The following MYH13 variants were observed in gnomAD, a reference collection of about 807,000 sequenced individuals.
MYH13 encodes the protein myosin heavy chain 13, also known as myosin-13.
MYH13 carries 177 observed loss-of-function variants against 232.1 expected under a neutral mutation model. The observed-to-expected ratio is 0.76, with a 90% CI of 0.67 to 0.86. MYH13 has a LOEUF of 0.86. Ranked by LOEUF, MYH13 falls within the 40% of genes least tolerant of loss-of-function variation. MYH13 has a pLI of 0.00. For synonymous variants in MYH13, 884 were observed against 923.5 expected, an observed-to-expected ratio of 0.96 and a Z score of 0.78; for missense variants, 2,246 against 2,405.9, an observed-to-expected ratio of 0.93 and a Z score of 1.39.
At chr17:10,312,494 G>T in intron 31 of MYH13, 80 bp downstream of exon 31, 1 of 1,456,648 alleles carries the variant, frequency 6.9e-7, no homozygotes, top group Non-Finnish European at 9.2e-7. Flanking sequence ...TCCAAATTCA[G>T]GTATTTTCAT....
intron 22 of MYH13, among the ~76,000 whole-genome samples, chr17:10,327,063 G>T (rs1479629262): frequency 3.5e-5 from 1 of 28,710 alleles, no homozygotes. Context: ...GTGCAGTGGC[G>T]CGATCTCAGC....
chr17:10,324,409 GCA>G, intron 22 of MYH13, 145 bp from the exon 23 acceptor site: 1 of 919,768 alleles, frequency 1.1e-6, no homozygotes, highest in Non-Finnish European at 1.6e-6. Context: ...TGCACACACT[GCA>G]CACACACGTG....
intron 16 of MYH13, among the ~76,000 whole-genome samples, chr17:10,343,101 A>G (rs1009439974): frequency 3.3e-5 from 5 of 151,938 alleles, no homozygotes; most frequent in Non-Finnish European, 5.9e-5. Context: ...AAAAAAAAAA[A>G]AAAAAAAAAA....
At chr17:10,311,457 A>T (rs1332931261) in intron 32 of MYH13, among the ~76,000 whole-genome samples, 1 of 152,256 alleles carries the variant, frequency 6.6e-6, no homozygotes, top group African/African-American at 2.4e-5. Context: ...CAAAAGTACC[A>T]TATACAAAAC....
Position 10,328,006 on chromosome 17 carries a change from TCTC to T in MYH13, c.2548_2550del (p.Glu850del). The T allele has an allele frequency of 6.2e-7, 1 of 1,614,134 alleles. No individual in the cohort carries two copies. Among genetic ancestry groups the T allele is most frequent in the Non-Finnish European group, 8.5e-7 (1 of 1,180,006 alleles). On this transcript the variant is annotated inframe_deletion, in exon 22 of 41. Coordinates refer to ENST00000252172, the MANE Select transcript of MYH13 (RefSeq NM_003802.3). ...TCTTCCTTCATGGTGGCCATCTCCT[TCTC>T]GGCCTCTGCACTCTTCAGCAGGGGC...
Position 10,313,313 on chromosome 17 carries a change from G to A in MYH13, c.4026C>T (p.His1342=), listed in dbSNP as rs146414810. The change falls in exon 30 of 41, where the codon CAC becomes CAT. Residue 1342 remains histidine (H), a synonymous_variant. Transcript: ENST00000252172. ...ACTGTTCCCGCAGCAGGTCACAGTC[G>A]TGGCGGGAGGACTGCAGGGCGTGCG... ...AMAHALQSSR[H]DCDLLREQYE... 1,828 of 1,614,254 alleles carry A rather than the reference G, an allele frequency of 1.1e-3. 31 individuals carry two copies. The East Asian group carries it at 0.033, about 29-fold the overall frequency.
Position 10,333,102 on chromosome 17 carries a change from G to A in MYH13, c.2146C>T (p.Arg716Trp), listed in dbSNP as rs775048148. Residue 716 changes from arginine to tryptophan, a missense_variant, in exon 19 of 41, where the codon CGG (arginine) becomes TGG (tryptophan). Physicochemically the swap from Arg to Trp is moderately radical, Grantham distance 101. Coordinates refer to ENST00000252172, the MANE Select transcript of MYH13 (RefSeq NM_003802.3). ...IRICRKGFPS[R>W]ILYADFKQRY... ...TGCTTGAAGTCAGCATAGAGGATCC[G>A]GCTGGGGAATCCCTTCCTGCAAATC... is the stretch of plus-strand genomic sequence containing the variant. 20 of 1,551,444 alleles carry A rather than the reference G, an allele frequency of 1.3e-5. No homozygotes were observed. Among genetic ancestry groups the A allele is most frequent in the South Asian group, 2.4e-5 (2 of 84,064 alleles).
chr17:10,342,669 C>T (rs2071627197), intron 16 of MYH13, among the ~76,000 whole-genome samples: 1 of 71,838 alleles, frequency 1.4e-5, no homozygotes. Flanking sequence ...ACCTTGAGAA[C>T]AGTAACCTGA....
At chr17:10,318,338 TG>T (rs1189379482) in intron 27 of MYH13, among the ~76,000 whole-genome samples, 5 of 152,012 alleles carry the variant, frequency 3.3e-5, no homozygotes, top group African/African-American at 1.2e-4. Context: ...CCAGTGGTGT[TG>T]GGGGGTGGGG....
intron 18 of MYH13, among the ~76,000 whole-genome samples, 182 bp from the exon 19 acceptor site, chr17:10,333,373 G>T (rs984433899): frequency 1.3e-5 from 2 of 152,226 alleles, no homozygotes; most frequent in Admixed American, 1.3e-4. Context: ...AGGTCCCGCA[G>T]TGAAATAATC....
At chr17:10,372,795 G>A (rs926791864) in intron 1 of MYH13, among the ~76,000 whole-genome samples, 184 bp downstream of exon 1, 7 of 152,244 alleles carry the variant, frequency 4.6e-5, no homozygotes, top group Non-Finnish European at 8.8e-5. Flanking sequence ...CCTTGTAAAA[G>A]TTTCTTGAAA....
chr17:10,358,842 G>A (rs137929879), intron 7 of MYH13, among the ~76,000 whole-genome samples: 8 of 152,218 alleles, frequency 5.3e-5, no homozygotes, highest in East Asian at 3.9e-4. Context: ...GGGTTCTGCC[G>A]CCCTTTGTTA....
At chr17:10,332,517 C>T (rs1907444812) in intron 19 of MYH13, among the ~76,000 whole-genome samples, 1 of 152,168 alleles carries the variant, frequency 6.6e-6, no homozygotes, top group African/African-American at 2.4e-5. Context: ...TAAAAGAGGC[C>T]TTGAAATCAA....
At chr17:10,327,203 G>A (rs908907574) in intron 22 of MYH13, among the ~76,000 whole-genome samples, 1 of 148,560 alleles carries the variant, frequency 6.7e-6, no homozygotes, top group African/African-American at 2.5e-5. Context: ...GGGTTTCACC[G>A]TTTTAGCCGG....
chr17:10,357,625 G>T, intron 8 of MYH13, 110 bp downstream of exon 8: 3 of 880,848 alleles, frequency 3.4e-6, no homozygotes, highest in Non-Finnish European at 3.6e-6. Flanking sequence ...TCACTTGGGG[G>T]TAGAAAAAGG....
At chr17:10,323,965 C>CAG (rs1212461978) in intron 23 of MYH13, 57 bp downstream of exon 23, 11 of 1,592,586 alleles carry the variant, frequency 6.9e-6, no homozygotes, top group African/African-American at 2.7e-5. Context: ...CTCCTCCTTA[C>CAG]AGAGAGAGAG....
chr17:10,358,631 C>T (rs2071767610), intron 7 of MYH13, among the ~76,000 whole-genome samples: 1 of 152,026 alleles, frequency 6.6e-6, no homozygotes, highest in Non-Finnish European at 1.5e-5. Flanking sequence ...CATGGTGGTT[C>T]CTGTAGTCTT....
chr17:10,370,638 G>A (rs570280899), intron 2 of MYH13, among the ~76,000 whole-genome samples: 2 of 152,216 alleles, frequency 1.3e-5, no homozygotes, highest in African/African-American at 4.8e-5. Context: ...CCTCTCCTGG[G>A]AATTTCACCG....
chr17:10,348,955 C>T (rs1363281174), intron 12 of MYH13, among the ~76,000 whole-genome samples: 1 of 152,136 alleles, frequency 6.6e-6, no homozygotes, highest in Non-Finnish European at 1.5e-5. Flanking sequence ...CCATCCCCAT[C>T]ACAGTTCATC....
Sources: gnomAD v4.1 joint callset for allele counts (sites outside exome capture counted in the v4.1 genomes callset) on GRCh38, gnomAD v4.1.1 for gene constraint, MANE v1.5 for transcripts, NCBI Gene and HGNC (gene_info 2026-07-23, HGNC 2026-07-21) for gene names.